Variants in MAF observed in about 807,000 individuals in gnomAD.
MAF encodes transcription factor Maf.
A neutral mutation model predicts 22.0 loss-of-function variants in MAF; 10 were observed. That is an observed-to-expected ratio of 0.45 (90% CI 0.28 to 0.77). MAF has a LOEUF of 0.77. Among genes scored for constraint, MAF ranks in the 30% least tolerant of loss-of-function variants. The pLI is 0.12. For synonymous variants in MAF, 337 were observed against 255.8 expected, an observed-to-expected ratio of 1.32 and a Z score of -3.03; for missense variants, 544 against 548.4, an observed-to-expected ratio of 0.99 and a Z score of 0.08.
the MAF span, among the ~76,000 whole-genome samples, chr16:79,569,299 C>G: frequency 6.6e-6 from 1 of 152,146 alleles, no homozygotes; most frequent in Non-Finnish European, 1.5e-5. Context: ...GTCTTGGCAA[C>G]CAAAAATGCC....
chr16:79,577,026 G>C, the MAF span, among the ~76,000 whole-genome samples: 452 of 152,262 alleles, frequency 3.0e-3, 6 homozygotes, highest in Non-Finnish European at 4.0e-3. Flanking sequence ...ACACATTACA[G>C]GGTATTAACG....
chr16:79,253,989 G>C, the MAF span, among the ~76,000 whole-genome samples: 10 of 151,142 alleles, frequency 6.6e-5, no homozygotes, highest in African/African-American at 2.4e-4. Flanking sequence ...TCCTGATGTT[G>C]CTGGGGCATC....
At chr16:79,216,051 G>A in the MAF span, among the ~76,000 whole-genome samples, 1 of 152,090 alleles carries the variant, frequency 6.6e-6, no homozygotes, top group African/African-American at 2.4e-5. Flanking sequence ...CAAGTGCATG[G>A]CATAATTCCT....
the MAF span, among the ~76,000 whole-genome samples, chr16:79,450,167 G>GT: frequency 6.6e-6 from 1 of 152,206 alleles, no homozygotes; most frequent in African/African-American, 2.4e-5. Flanking sequence ...TACACGCAGA[G>GT]TAACGAGTAA....
chr16:79,418,332 C>A, the MAF span, among the ~76,000 whole-genome samples: 2 of 152,070 alleles, frequency 1.3e-5, no homozygotes, highest in Non-Finnish European at 1.5e-5. Flanking sequence ...CTGGGAGCAG[C>A]CACAGAGAAA....
At chr16:79,318,296 G>T in the MAF span, among the ~76,000 whole-genome samples, 585 of 152,260 alleles carry the variant, frequency 3.8e-3, 2 homozygotes, top group African/African-American at 0.013. Flanking sequence ...CCTTTGGGAT[G>T]CTAAATGGTA....
At chr16:79,597,560 A>C in intron 1 of MAF, 3 of 1,023,158 alleles carry the variant, frequency 2.9e-6, no homozygotes, top group Non-Finnish European at 3.5e-6. Context: ...TTGACAAGGA[A>C]TGCCTTCAGT....
chr16:79,312,631 T>C, the MAF span, among the ~76,000 whole-genome samples: 1 of 152,192 alleles, frequency 6.6e-6, no homozygotes, highest in African/African-American at 2.4e-5. Flanking sequence ...CCTAGGACCG[T>C]CTCTGAAGGA....
the MAF span, among the ~76,000 whole-genome samples, chr16:79,305,859 T>G: frequency 2.0e-5 from 3 of 152,310 alleles, no homozygotes; most frequent in East Asian, 5.8e-4. Flanking sequence ...TTTCTGTAGC[T>G]GCAGGCTTCA....
chr16:79,341,665 G>A, the MAF span, among the ~76,000 whole-genome samples: 29 of 152,168 alleles, frequency 1.9e-4, no homozygotes, highest in African/African-American at 5.6e-4. Context: ...GTAGAGCAGC[G>A]TCATGACTTT....
Position 79,599,606 on chromosome 16 carries a change from C to T in MAF, c.297G>A (p.Gln99=), listed in dbSNP as rs1397634076. 6 of 1,609,910 alleles carry T rather than the reference C, an allele frequency of 3.7e-6. No homozygotes were observed. The African/African-American group carries it at 6.7e-5, about 18-fold the overall frequency. ...EDYYWMTGYP[Q]QLNPEALGFS... ...AGCCCAGCGCCTCGGGGTTCAGCTG[C>T]TGCGGGTAGCCGGTCATCCAGTAGT... The change falls in exon 1 of 2, where the codon CAG becomes CAA. Residue 99 remains glutamine, a synonymous_variant. Transcript: ENST00000326043.
chr16:79,534,696 C>A, the MAF span, among the ~76,000 whole-genome samples: 89 of 152,124 alleles, frequency 5.9e-4, no homozygotes, highest in African/African-American at 2.0e-3. Context: ...TGTAACAAAT[C>A]TGCATGTTGT....
the MAF span, among the ~76,000 whole-genome samples, chr16:79,564,093 T>TC: frequency 1.3e-5 from 2 of 152,170 alleles, no homozygotes; most frequent in Non-Finnish European, 2.9e-5. Flanking sequence ...ACAGATTCCC[T>TC]CCCCCATGGC....
the MAF span, among the ~76,000 whole-genome samples, chr16:79,209,538 GGT>G: frequency 7.1e-3 from 1,087 of 152,192 alleles, 7 homozygotes; most frequent in African/African-American, 0.025. Context: ...ACTTGAAATG[GGT>G]GAGCTGGATT....
the MAF span, among the ~76,000 whole-genome samples, chr16:79,257,199 AAAAAG>A: frequency 7.9e-5 from 12 of 152,136 alleles, no homozygotes; most frequent in Admixed American, 2.0e-4. Flanking sequence ...AAAAATTAAA[AAAAAG>A]AAGAGTGTAT....
At chr16:79,312,305 CA>C in the MAF span, among the ~76,000 whole-genome samples, 2 of 152,218 alleles carry the variant, frequency 1.3e-5, no homozygotes, top group South Asian at 4.1e-4. Context: ...ATGTGCAAAA[CA>C]GACCTAATTG....
the MAF span, among the ~76,000 whole-genome samples, chr16:79,311,656 C>G: frequency 3.3e-5 from 5 of 152,132 alleles, no homozygotes; most frequent in Non-Finnish European, 5.9e-5. Flanking sequence ...GCATTCAGTT[C>G]TCAGTCCAGA....
At chr16:79,522,606 A>T in the MAF span, among the ~76,000 whole-genome samples, 608 of 152,316 alleles carry the variant, frequency 4.0e-3, 1 homozygote, top group Middle Eastern at 0.048. Flanking sequence ...CCAGGGAGAC[A>T]AATGCATGCA....
chr16:79,316,743 C>T, the MAF span, among the ~76,000 whole-genome samples: 1 of 152,004 alleles, frequency 6.6e-6, no homozygotes. Flanking sequence ...TTACAGAGTT[C>T]CCCTGGAGAT....
Sources: gnomAD v4.1 joint callset for allele counts (sites outside exome capture counted in the v4.1 genomes callset) on GRCh38, gnomAD v4.1.1 for gene constraint, MANE v1.5 for transcripts, NCBI Gene and HGNC (gene_info 2026-07-23, HGNC 2026-07-21) for gene names.